Variants in CEP128 observed in about 807,000 individuals in gnomAD.
CEP128 encodes the protein centrosomal protein 128kDa.
A neutral mutation model predicts 156.7 loss-of-function variants in CEP128; 132 were observed. The ratio of observed to expected loss-of-function variants is 0.84; its 90% CI spans 0.73 to 0.97. CEP128 has a LOEUF of 0.97. CEP128 is among the 50% of genes least tolerant of loss of function. The pLI is 0.00. For synonymous variants in CEP128, 469 were observed against 448.9 expected (o/e 1.04, Z -0.57); for missense variants, 1,252 against 1,281.9 (o/e 0.98, Z 0.36).
chr14:80,842,995 G>C (rs190189576), intron 9 of CEP128, among the ~76,000 whole-genome samples: 91 of 151,756 alleles, frequency 6.0e-4, no homozygotes, highest in Admixed American at 6.0e-3. Context: ...TTGTACTACT[G>C]CATTTCCTTA....
Position 80,831,177 on chromosome 14 carries a change from T to C in CEP128, c.1175A>G (p.Asp392Gly). 6.2e-7 allele frequency: 1 copy of C among 1,614,040 alleles called. No homozygotes were observed. Among genetic ancestry groups the C allele is most frequent in the Non-Finnish European group, 8.5e-7 (1 of 1,179,946 alleles). Reference protein sequence around the residue: ...EEVKRCMERKDKEKAHLASQV... With the variant: ...EEVKRCMERKGKEKAHLASQV... ...TGATGCCAAATGTGCTTTCTCCTTG[T>C]CTTTTCTCTCCATGCACCGTTTCAC... The change falls in exon 13 of 25, where the codon GAC becomes GGC. Residue 392 changes from aspartate to glycine, a missense_variant. Transcript: ENST00000555265.
intron 19 of CEP128, among the ~76,000 whole-genome samples, chr14:80,665,162 T>C (rs1335679421): frequency 6.6e-6 from 1 of 152,194 alleles, no homozygotes; most frequent in African/African-American, 2.4e-5. Flanking sequence ...TACACCTACA[T>C]TGTGCAAGTA....
chr14:80,631,551 CTA>C (rs1893960081), intron 19 of CEP128, among the ~76,000 whole-genome samples: 1 of 151,924 alleles, frequency 6.6e-6, no homozygotes, highest in African/African-American at 2.4e-5. Context: ...CTGTTTGTTT[CTA>C]TATGTGATTC....
intron 2 of CEP128, among the ~76,000 whole-genome samples, chr14:80,927,478 C>T (rs1262639772): frequency 6.6e-6 from 1 of 152,226 alleles, no homozygotes; most frequent in African/African-American, 2.4e-5. Flanking sequence ...TGCACCCCCA[C>T]AAGAGGAATG....
At chr14:80,498,831 A>G (rs1342503465) in intron 24 of CEP128, among the ~76,000 whole-genome samples, 1 of 152,232 alleles carries the variant, frequency 6.6e-6, no homozygotes, top group Non-Finnish European at 1.5e-5. Flanking sequence ...GACATGGTAC[A>G]CAGCCTCCTA....
intron 19 of CEP128, among the ~76,000 whole-genome samples, chr14:80,729,564 G>A (rs1595300161): frequency 6.6e-6 from 1 of 152,234 alleles, no homozygotes; most frequent in Non-Finnish European, 1.5e-5. Context: ...GAGACTGCTA[G>A]ATCAAATGGT....
intron 20 of CEP128, among the ~76,000 whole-genome samples, chr14:80,570,203 C>T (rs1303989997): frequency 6.6e-6 from 1 of 152,062 alleles, no homozygotes; most frequent in African/African-American, 2.4e-5. Context: ...CTGCAACCTC[C>T]GCCTCCTGGG....
At chr14:80,675,480 G>A (rs1896022259) in intron 19 of CEP128, among the ~76,000 whole-genome samples, 1 of 151,830 alleles carries the variant, frequency 6.6e-6, no homozygotes, top group Non-Finnish European at 1.5e-5. Context: ...ATACTAACTT[G>A]GTGTAAAAAT....
At chr14:80,576,195 A>T (rs1048619321) in intron 20 of CEP128, among the ~76,000 whole-genome samples, 5 of 152,196 alleles carry the variant, frequency 3.3e-5, no homozygotes, top group African/African-American at 1.2e-4. Context: ...GTGTCAAGTC[A>T]CTGAATGCAA....
chr14:80,825,007 G>T (rs1441637362), intron 13 of CEP128, among the ~76,000 whole-genome samples: 1 of 152,182 alleles, frequency 6.6e-6, no homozygotes, highest in Non-Finnish European at 1.5e-5. Context: ...ATCGCGGAAG[G>T]TGAAAGGCAT....
intron 10 of CEP128, 145 bp from the exon 11 acceptor site, chr14:80,838,423 G>A: frequency 1.7e-6 from 1 of 597,950 alleles, no homozygotes; most frequent in Non-Finnish European, 3.0e-6. Context: ...ATCTCACTAT[G>A]AACATATATC....
chr14:80,762,880 G>C (rs981799928), intron 16 of CEP128, among the ~76,000 whole-genome samples: 1 of 152,068 alleles, frequency 6.6e-6, no homozygotes, highest in African/African-American at 2.4e-5. Context: ...GTAAACCTAG[G>C]AACTGGAATT....
At chr14:80,570,214 T>C (rs1007733081) in intron 20 of CEP128, among the ~76,000 whole-genome samples, 2 of 152,022 alleles carry the variant, frequency 1.3e-5, no homozygotes, top group Non-Finnish European at 2.9e-5. Flanking sequence ...GCCTCCTGGG[T>C]TCAAGTGATT....
chr14:80,877,982 A>T (rs1358938735), intron 8 of CEP128, among the ~76,000 whole-genome samples: 1 of 151,872 alleles, frequency 6.6e-6, no homozygotes, highest in Non-Finnish European at 1.5e-5. Context: ...CCTCCTACAT[A>T]CCAGAGAAGT....
chr14:80,743,985 C>T (rs1361854380), intron 18 of CEP128, among the ~76,000 whole-genome samples: 1 of 151,842 alleles, frequency 6.6e-6, no homozygotes, highest in Non-Finnish European at 1.5e-5. Flanking sequence ...AATCCTCCTG[C>T]TCAGCCTCCT....
intron 19 of CEP128, among the ~76,000 whole-genome samples, chr14:80,639,344 G>A (rs10137577): frequency 0.029 from 4,441 of 152,172 alleles, 216 homozygotes; most frequent in African/African-American, 0.1. Context: ...GTTACCAAAA[G>A]AGAATTGCTG....
chr14:80,666,724 C>CA (rs78322396), intron 19 of CEP128, among the ~76,000 whole-genome samples: 1,549 of 103,442 alleles, frequency 0.015, 21 homozygotes, highest in East Asian at 0.092. Flanking sequence ...AAGAGAGAGA[C>CA]AAAAAAAAAA....
intron 2 of CEP128, among the ~76,000 whole-genome samples, chr14:80,932,487 G>T (rs1390013437): frequency 6.6e-6 from 1 of 152,194 alleles, no homozygotes; most frequent in African/African-American, 2.4e-5. Context: ...TCCTGAGATT[G>T]CCTTGTGCAC....
At chr14:80,701,601 C>G (rs1013078221) in intron 19 of CEP128, among the ~76,000 whole-genome samples, 2 of 152,154 alleles carry the variant, frequency 1.3e-5, no homozygotes, top group Non-Finnish European at 2.9e-5. Context: ...AGAAACTAAG[C>G]TTTCTTGGCC....
Sources: allele counts gnomAD v4.1 joint callset (sites outside exome capture counted in the v4.1 genomes callset), GRCh38; gene constraint gnomAD v4.1.1; transcripts MANE v1.5; gene names NCBI Gene and HGNC (gene_info 2026-07-23, HGNC 2026-07-21).